SH3D19: variants seen among roughly 807,000 people sequenced by gnomAD.
The protein encoded by SH3D19 is SH3 domain-containing protein 19.
In SH3D19, 58 loss-of-function variants were observed where a neutral mutation model predicts 112.1. That is an observed-to-expected ratio of 0.52 (90% CI 0.42 to 0.64). The LOEUF (loss-of-function observed/expected upper bound fraction) is 0.64, where lower values mean the gene tolerates loss of function less well. Ranked by LOEUF, SH3D19 falls within the 30% of genes least tolerant of loss-of-function variation. The pLI is 0.00. For synonymous variants in SH3D19, 391 were observed against 448.5 expected (o/e 0.87, Z 1.62); for missense variants, 1,090 against 1,263.4 (o/e 0.86, Z 2.08).
chr4:151,127,450 C>T (rs1241895544), intron 19 of SH3D19, among the ~76,000 whole-genome samples, 168 bp downstream of exon 19: 1 of 152,158 alleles, frequency 6.6e-6, no homozygotes, highest in Non-Finnish European at 1.5e-5. Flanking sequence ...ATTAACAGGC[C>T]TATTTGCACT....
At chr4:151,314,937 G>C (rs1277373867) in intron 1 of SH3D19, among the ~76,000 whole-genome samples, 1 of 152,166 alleles carries the variant, frequency 6.6e-6, no homozygotes, top group Non-Finnish European at 1.5e-5. Flanking sequence ...GTGCAGTTGA[G>C]TGAACCCCCT....
chr4:151,296,144 T>C lies in SH3D19; in HGVS notation c.112+29097A>G, dbSNP rs1217198462. ...AACAGGGAATAGGTAAACTGTATGG[T>C]ATGCGATTTATAACTCATTGAAGCT... is the stretch of plus-strand genomic sequence containing the variant. On this transcript the variant is annotated intron_variant, in intron 1 of 19. Coordinates refer to ENST00000604030, the MANE Select transcript of SH3D19 (RefSeq NM_001378122.1). 2.6e-5 allele frequency among the ~76,000 whole-genome samples: 4 copies of C among 152,108 alleles called. 1 individual carries two copies. In the South Asian group the frequency reaches 6.2e-4, roughly 24 times the overall value.
chr4:151,179,391 C>T lies in SH3D19; in HGVS notation c.200G>A (p.Arg67Gln), dbSNP rs1487734168. The change falls in exon 4 of 20, where the codon CGG becomes CAG. Residue 67 changes from arginine (R) to glutamine (Q), a missense_variant. Arg to Gln is a conservative substitution (Grantham distance 43). Coordinates refer to ENST00000604030, the MANE Select transcript of SH3D19 (RefSeq NM_001378122.1). ...SIRAVIKRSS[R>Q]TSIQSELHRD... ...ATGAAGTTCACTCTGAATAGAAGTCCGAGAAGCTGTTGAAGAAGGAATAAA... is the reference window on the plus strand; with the variant it reads ...ATGAAGTTCACTCTGAATAGAAGTCTGAGAAGCTGTTGAAGAAGGAATAAA... The T allele has an allele frequency of 2.0e-5, 25 of 1,230,090 alleles. No individual in the cohort carries two copies. The highest frequency in any genetic ancestry group is 3.2e-5 in the East Asian group (1 of 31,516). 76.2% of individuals were successfully genotyped at this position (1,230,090 alleles called of 1,614,324 possible).
intron 8 of SH3D19, among the ~76,000 whole-genome samples, chr4:151,165,383 A>C (rs1475864374): frequency 6.6e-6 from 1 of 151,970 alleles, no homozygotes; most frequent in African/African-American, 2.4e-5. Context: ...AGCGAAGGGG[A>C]AAGGGAAAGG....
chr4:151,136,098 G>C (rs900061262), intron 14 of SH3D19, among the ~76,000 whole-genome samples: 3 of 152,146 alleles, frequency 2.0e-5, no homozygotes, highest in African/African-American at 7.2e-5. Flanking sequence ...CATGAATAGG[G>C]AAGAAAGGAA....
At chr4:151,316,054 G>A (rs780988917) in intron 1 of SH3D19, among the ~76,000 whole-genome samples, 1 of 152,138 alleles carries the variant, frequency 6.6e-6, no homozygotes, top group Non-Finnish European at 1.5e-5. Flanking sequence ...CTTTCAAGCA[G>A]AGAAACTTCA....
chr4:151,248,743 T>A (rs1024425709), intron 1 of SH3D19, among the ~76,000 whole-genome samples: 2 of 152,114 alleles, frequency 1.3e-5, no homozygotes, highest in African/African-American at 4.8e-5. Flanking sequence ...AACCACTAGA[T>A]AGGTGTCCAA....
At chr4:151,206,033 A>G (rs1185729254) in intron 2 of SH3D19, among the ~76,000 whole-genome samples, 1 of 152,174 alleles carries the variant, frequency 6.6e-6, no homozygotes, top group African/African-American at 2.4e-5. Context: ...CACAAAACAC[A>G]TTAGGTGAGA....
At chr4:151,188,215 C>T (rs1005249294) in intron 2 of SH3D19, among the ~76,000 whole-genome samples, 1 of 152,132 alleles carries the variant, frequency 6.6e-6, no homozygotes, top group Non-Finnish European at 1.5e-5. Context: ...TAAGACAATA[C>T]TATTGTGTTA....
Position 151,298,412 on chromosome 4 carries a change from G to A in SH3D19, c.112+26829C>T, listed in dbSNP as rs528474493. Among the ~76,000 whole-genome samples, 9 of 151,902 alleles carry A rather than the reference G, an allele frequency of 5.9e-5. No homozygotes were observed. The South Asian group carries it at 1.2e-3, about 21-fold the overall frequency. The stretch of plus-strand genomic sequence containing the variant: ...AGGATGGTCTCAATCTCCTGATCTC[G>A]TGATCCTCCCGCCTCGGCCTCCCAA... On this transcript the variant is annotated intron_variant, in intron 1 of 19. Coordinates refer to ENST00000604030, the MANE Select transcript of SH3D19 (RefSeq NM_001378122.1).
intron 9 of SH3D19, among the ~76,000 whole-genome samples, chr4:151,158,922 A>AC (rs2149795656): frequency 6.6e-6 from 1 of 152,236 alleles, no homozygotes; most frequent in African/African-American, 2.4e-5. Context: ...GAATAAAGTT[A>AC]TTTCCCTGAA....
Position 151,175,431 on chromosome 4 carries a change from T to C in SH3D19, c.773A>G (p.Glu258Gly). The change falls in exon 7 of 20, where the codon GAG becomes GGG. Residue 258 changes from glutamate to glycine, a missense_variant. Glu to Gly is a moderately conservative substitution (Grantham distance 98). Transcript: ENST00000604030. ...CTGGGGCCGGCCTGGGGATGACTCCTCTCCTACGGCTGCTGGGCTGATTTT... is the reference window on the plus strand; with the variant it reads ...CTGGGGCCGGCCTGGGGATGACTCCCCTCCTACGGCTGCTGGGCTGATTTT... The part of the protein sequence containing the change: ...QQKISPAAVG[E>G]ESSPGRPQSL... 5.9e-6 allele frequency: 9 copies of C among 1,529,610 alleles called. No individual in the cohort carries two copies. Among genetic ancestry groups the C allele is most frequent in the Non-Finnish European group, 7.9e-6 (9 of 1,142,236 alleles). The allele number at this position is 1,529,610 out of a possible 1,614,324, so 94.8% of individuals were successfully genotyped here. A position where few individuals can be genotyped will look rare whatever the true frequency, so the allele number is the denominator to read the frequency against.
intron 3 of SH3D19, among the ~76,000 whole-genome samples, chr4:151,181,139 G>A (rs2149838158): frequency 6.6e-6 from 1 of 152,170 alleles, no homozygotes; most frequent in African/African-American, 2.4e-5. Flanking sequence ...TAATACTATA[G>A]TGTAAAGATC....
chr4:151,297,155 C>T (rs930219594), intron 1 of SH3D19, among the ~76,000 whole-genome samples: 13 of 152,108 alleles, frequency 8.5e-5, no homozygotes, highest in African/African-American at 2.7e-4. Context: ...AATGTATTCT[C>T]GGCTATTAAT....
At chr4:151,139,713 G>T in intron 13 of SH3D19, 62 bp downstream of exon 13, 2 of 1,470,448 alleles carry the variant, frequency 1.4e-6, no homozygotes, top group Non-Finnish European at 9.5e-7. Context: ...CTAACCCCCG[G>T]CAGGGAAAAA....
rs1207145608 is a variant in SH3D19, at chr4:151,310,210, C to CAAA, written c.112+15028_112+15030dup. Among the ~76,000 whole-genome samples, 177 of 100,294 alleles carry CAAA rather than the reference C, an allele frequency of 1.8e-3. 2 individuals are homozygous for CAAA. Among genetic ancestry groups the CAAA allele is most frequent in the African/African-American group, 5.1e-3 (158 of 30,864 alleles). 65.8% of individuals were successfully genotyped at this position (100,294 alleles called of 152,430 possible). A position where few individuals can be genotyped will look rare whatever the true frequency, so the allele number is the denominator to read the frequency against. On this transcript the variant is annotated intron_variant, in intron 1 of 19. Coordinates refer to ENST00000604030, the MANE Select transcript of SH3D19 (RefSeq NM_001378122.1). ...TTAACACAGCGAAACTCTGTCTTTA[C>CAAA]AAAAAAAAAAAAAAAAAAAAATTAC...
intron 1 of SH3D19, among the ~76,000 whole-genome samples, chr4:151,267,146 C>A (rs1772844262): frequency 7.2e-6 from 1 of 138,426 alleles, no homozygotes; most frequent in Admixed American, 7.7e-5. Flanking sequence ...TGGTGAGACT[C>A]AGTCTCTCTC....
At chr4:151,185,729 C>A (rs561881398) in intron 3 of SH3D19, among the ~76,000 whole-genome samples, 1 of 152,258 alleles carries the variant, frequency 6.6e-6, no homozygotes, top group Admixed American at 6.5e-5. Flanking sequence ...TGTTCAAATG[C>A]ATATTCTTCA....
chr4:151,165,800 A>C, intron 7 of SH3D19, 104 bp from the exon 8 acceptor site: 2 of 920,392 alleles, frequency 2.2e-6, no homozygotes, highest in Non-Finnish European at 3.4e-6. Flanking sequence ...CCCTGGGGAA[A>C]CTATTCATGG....
Sources: allele counts gnomAD v4.1 joint callset (sites outside exome capture counted in the v4.1 genomes callset), GRCh38; gene constraint gnomAD v4.1.1; transcripts MANE v1.5; gene names NCBI Gene and HGNC (gene_info 2026-07-23, HGNC 2026-07-21).